Variants in SLC44A1 observed in about 807,000 individuals in gnomAD.
SLC44A1 encodes the protein choline transporter-like protein 1.
SLC44A1 carries 26 observed loss-of-function variants against 79.3 expected under a neutral mutation model. The ratio of observed to expected loss-of-function variants is 0.33; its 90% CI spans 0.24 to 0.46. The LOEUF (loss-of-function observed/expected upper bound fraction) is 0.46, where lower values mean the gene tolerates loss of function less well. SLC44A1 is among the 20% of genes least tolerant of loss of function. SLC44A1 has a pLI of 1.00. For synonymous variants in SLC44A1, 263 were observed against 286.2 expected, an observed-to-expected ratio of 0.92 and a Z score of 0.82; for missense variants, 688 against 798.1, an observed-to-expected ratio of 0.86 and a Z score of 1.66.
At chr9:105,318,370 G>T (rs1820997990) in intron 3 of SLC44A1, among the ~76,000 whole-genome samples, 1 of 152,058 alleles carries the variant, frequency 6.6e-6, no homozygotes, top group Non-Finnish European at 1.5e-5. Flanking sequence ...TAGTAGAGAT[G>T]GAGTTTCACC....
intron 3 of SLC44A1, among the ~76,000 whole-genome samples, chr9:105,315,083 G>A (rs530261407): frequency 6.6e-6 from 1 of 151,808 alleles, no homozygotes; most frequent in African/African-American, 2.4e-5. Flanking sequence ...CCCTCCTAAC[G>A]TTTAAAGATG....
At chr9:105,416,218 A>G (rs1274800195) in intron 15 of SLC44A1, among the ~76,000 whole-genome samples, 1 of 151,820 alleles carries the variant, frequency 6.6e-6, no homozygotes, top group Non-Finnish European at 1.5e-5. Flanking sequence ...TTGACTAGGG[A>G]ATTTGTTCTC....
At chr9:105,432,965 T>C (rs978895195) in intron 15 of SLC44A1, among the ~76,000 whole-genome samples, 1 of 152,158 alleles carries the variant, frequency 6.6e-6, no homozygotes, top group African/African-American at 2.4e-5. Flanking sequence ...GCAAAGTACA[T>C]ATTTGGTAAA....
intron 15 of SLC44A1, chr9:105,386,180 C>G (rs1219162103): frequency 1.0e-6 from 1 of 982,072 alleles, no homozygotes; most frequent in Non-Finnish European, 1.2e-6. Context: ...ATATATCTCT[C>G]TACTCCACTT....
Position 105,333,373 on chromosome 9 carries a change from C to G in SLC44A1, c.270-2190C>G, listed in dbSNP as rs975973646. On this transcript the variant is annotated intron_variant, in intron 3 of 15. Coordinates refer to ENST00000374720, the MANE Select transcript of SLC44A1 (RefSeq NM_080546.5). ...TCTCCCATCCCAGTTCCACTGCCCA[C>G]CTCCCACCCCATAGAGAAACACACA... 3.9e-5 allele frequency among the ~76,000 whole-genome samples: 6 copies of G among 152,270 alleles called. No individual in the cohort carries two copies. The East Asian group carries it at 9.6e-4, about 24-fold the overall frequency.
At chr9:105,250,735 T>C (rs1276534324) in intron 1 of SLC44A1, among the ~76,000 whole-genome samples, 1 of 152,234 alleles carries the variant, frequency 6.6e-6, no homozygotes, top group Non-Finnish European at 1.5e-5. Flanking sequence ...TGTCTCAGGC[T>C]TTCTTTTCCT....
At chr9:105,269,475 G>A (rs1175344995) in intron 1 of SLC44A1, among the ~76,000 whole-genome samples, 1 of 152,064 alleles carries the variant, frequency 6.6e-6, no homozygotes, top group South Asian at 2.1e-4. Flanking sequence ...GGTATATCAT[G>A]TATTTCCCAA....
intron 3 of SLC44A1, among the ~76,000 whole-genome samples, chr9:105,325,366 T>C (rs1466280353): frequency 2.0e-5 from 3 of 152,236 alleles, no homozygotes; most frequent in Non-Finnish European, 2.9e-5. Context: ...AAGGATGATG[T>C]ATTCACTCGT....
At chr9:105,387,569 A>G (rs76612350) in intron 15 of SLC44A1, among the ~76,000 whole-genome samples, 12,034 of 152,214 alleles carry the variant, frequency 0.079, 589 homozygotes, top group African/African-American at 0.13. Flanking sequence ...TTGTTCAGCA[A>G]ATCGATTCTA....
intron 6 of SLC44A1, chr9:105,357,098 C>T (rs1210142388): frequency 6.6e-6 from 1 of 152,138 alleles, no homozygotes; most frequent in Non-Finnish European, 1.5e-5. Context: ...TGAGAAGATA[C>T]AAGCTGTATT....
rs1827886103 is a variant in SLC44A1 at position 105,364,625 on chromosome 9, G to C, written c.1158G>C (p.Trp386Cys). 6.2e-7 allele frequency: 1 copy of C among 1,613,690 alleles called. No homozygotes were observed. The highest frequency in any genetic ancestry group is 1.7e-5 in the Admixed American group (1 of 59,998). ...CTGGGCCTCTGCAGTACATGTGGTG[G>C]TACCATGTGGTGGGCCTGATTTGGA... ...KISGPLQYMWWYHVVGLIWIS... is the reference protein window; with the variant it reads ...KISGPLQYMWCYHVVGLIWIS... The change falls in exon 10 of 16, where the codon TGG (tryptophan) becomes TGC (cysteine). Residue 386 changes from tryptophan (W) to cysteine (C), a missense_variant. Coordinates refer to ENST00000374720, the MANE Select transcript of SLC44A1 (RefSeq NM_080546.5).
chr9:105,395,400 G>C lies in SLC44A1; in HGVS notation c.*6344G>C, dbSNP rs1828855776. The C allele has an allele frequency of 2.5e-6, 1 of 398,488 alleles. No individual in the cohort carries two copies. Among genetic ancestry groups the C allele is most frequent in the Non-Finnish European group, 3.4e-6 (1 of 293,368 alleles). 24.7% of individuals were successfully genotyped at this position (398,488 alleles called of 1,614,324 possible). A position where few individuals can be genotyped will look rare whatever the true frequency, so the allele number is the denominator to read the frequency against. ...CACCCAGCTAATTTTTGTATTTTTAGTAGAGACGGGGTTTCACCACGTTGG... is the reference window on the plus strand; with the variant it reads ...CACCCAGCTAATTTTTGTATTTTTACTAGAGACGGGGTTTCACCACGTTGG... On this transcript the variant is annotated 3_prime_UTR_variant, in exon 16 of 16. Coordinates refer to ENST00000374720, the MANE Select transcript of SLC44A1 (RefSeq NM_080546.5).
intron 5 of SLC44A1, among the ~76,000 whole-genome samples, chr9:105,354,796 A>G (rs1259427545): frequency 6.6e-6 from 1 of 152,232 alleles, no homozygotes; most frequent in Admixed American, 6.5e-5. Context: ...TTTAAGGGAA[A>G]CTAATACATA....
chr9:105,415,606 A>G (rs1829158089), intron 15 of SLC44A1, among the ~76,000 whole-genome samples: 1 of 152,160 alleles, frequency 6.6e-6, no homozygotes, highest in Non-Finnish European at 1.5e-5. Flanking sequence ...GAGAGTGACA[A>G]TTAACAACCC....
At chr9:105,248,318 A>G (rs923446492) in intron 1 of SLC44A1, among the ~76,000 whole-genome samples, 3 of 152,118 alleles carry the variant, frequency 2.0e-5, no homozygotes, top group African/African-American at 7.2e-5. Context: ...CCAAACTTTG[A>G]TCTCTTGTAA....
intron 1 of SLC44A1, among the ~76,000 whole-genome samples, chr9:105,247,042 G>A (rs1829471253): frequency 6.6e-6 from 1 of 151,130 alleles, no homozygotes; most frequent in South Asian, 2.1e-4. Flanking sequence ...GGGACTTGTA[G>A]TGTTCAGTGG....
intron 3 of SLC44A1, among the ~76,000 whole-genome samples, chr9:105,325,925 A>C (rs942986036): frequency 2.0e-5 from 3 of 152,268 alleles, no homozygotes; most frequent in Admixed American, 6.5e-5. Flanking sequence ...ATATTTCAGA[A>C]AAGCTGATAA....
chr9:105,345,189 T>G (rs2131375751), intron 4 of SLC44A1, among the ~76,000 whole-genome samples: 1 of 152,228 alleles, frequency 6.6e-6, no homozygotes, highest in South Asian at 2.1e-4. Context: ...GAGAAACACT[T>G]TACAGTATTT....
intron 1 of SLC44A1, among the ~76,000 whole-genome samples, chr9:105,285,817 G>A (rs1428514615): frequency 1.3e-5 from 2 of 152,198 alleles, no homozygotes; most frequent in Non-Finnish European, 2.9e-5. Flanking sequence ...TTCTTTTGTG[G>A]ATCTTCAGTT....
Sources: allele counts gnomAD v4.1 joint callset (sites outside exome capture counted in the v4.1 genomes callset), GRCh38; gene constraint gnomAD v4.1.1; transcripts MANE v1.5; gene names NCBI Gene and HGNC (gene_info 2026-07-23, HGNC 2026-07-21).